The following MCTP1 variants were observed in gnomAD, a reference collection of about 807,000 sequenced individuals.
MCTP1 encodes multiple C2 and transmembrane domain containing 1, also known as multiple C2 and transmembrane domain-containing protein 1.
MCTP1 carries 69 observed loss-of-function variants against 120.6 expected under a neutral mutation model. That is an observed-to-expected ratio of 0.57 (90% CI 0.47 to 0.70). The LOEUF (loss-of-function observed/expected upper bound fraction) is 0.70. MCTP1 is among the 30% of genes least tolerant of loss of function. MCTP1 has a pLI of 0.00. For synonymous variants in MCTP1, 529 were observed against 493.1 expected, an observed-to-expected ratio of 1.07 and a Z score of -0.96; for missense variants, 1,203 against 1,248.8, an observed-to-expected ratio of 0.96 and a Z score of 0.55.
At chr5:95,260,632 C>G (rs1048731899) in intron 1 of MCTP1, among the ~76,000 whole-genome samples, 1 of 151,850 alleles carries the variant, frequency 6.6e-6, no homozygotes, top group African/African-American at 2.4e-5. Context: ...TATATCTTTT[C>G]CCTTCTCCCC....
At chr5:94,985,030 A>T (rs1047299974) in intron 2 of MCTP1, among the ~76,000 whole-genome samples, 2 of 152,222 alleles carry the variant, frequency 1.3e-5, no homozygotes, top group Non-Finnish European at 2.9e-5. Flanking sequence ...AATGTGTGAT[A>T]AAACTAATTA....
At chr5:94,741,658 T>C (rs1350026480) in intron 19 of MCTP1, among the ~76,000 whole-genome samples, 3 of 152,212 alleles carry the variant, frequency 2.0e-5, no homozygotes, top group African/African-American at 7.2e-5. Flanking sequence ...GATGCTTTAG[T>C]AATAATTAAA....
chr5:94,948,763 G>T (rs897538737), intron 3 of MCTP1, among the ~76,000 whole-genome samples: 1 of 152,026 alleles, frequency 6.6e-6, no homozygotes, highest in Non-Finnish European at 1.5e-5. Flanking sequence ...TCTGATTCAG[G>T]TCTGATTCAG....
At chr5:94,728,504 A>G (rs1359470406) in intron 19 of MCTP1, among the ~76,000 whole-genome samples, 1 of 152,168 alleles carries the variant, frequency 6.6e-6, no homozygotes. Flanking sequence ...GCCTGTCCTA[A>G]TCAAGCCGAG....
At chr5:94,820,258 AT>A (rs1470861857) in intron 17 of MCTP1, among the ~76,000 whole-genome samples, 1 of 152,232 alleles carries the variant, frequency 6.6e-6, no homozygotes, top group Non-Finnish European at 1.5e-5. Context: ...AACCCAAATG[AT>A]TATTTTTGGC....
intron 1 of MCTP1, among the ~76,000 whole-genome samples, chr5:95,141,503 C>T (rs1759927403): frequency 6.6e-6 from 1 of 152,174 alleles, no homozygotes; most frequent in South Asian, 2.1e-4. Flanking sequence ...ATGTGTGCAA[C>T]AACATGAGAG....
intron 18 of MCTP1, among the ~76,000 whole-genome samples, chr5:94,782,156 T>C (rs1776712436): frequency 6.6e-6 from 1 of 152,168 alleles, no homozygotes; most frequent in Non-Finnish European, 1.5e-5. Context: ...ATACAGTTCC[T>C]GTGTCAAAGG....
chr5:94,817,448 T>A (rs945755303), intron 17 of MCTP1, among the ~76,000 whole-genome samples: 2 of 144,242 alleles, frequency 1.4e-5, no homozygotes, highest in East Asian at 2.4e-4. Flanking sequence ...ACAAACAAAC[T>A]GGTTTACTAT....
chr5:95,216,897 G>T (rs936601635), intron 1 of MCTP1, among the ~76,000 whole-genome samples: 2 of 152,126 alleles, frequency 1.3e-5, no homozygotes, highest in African/African-American at 4.8e-5. Flanking sequence ...AGAGCAGCCA[G>T]TATCATTTCT....
intron 17 of MCTP1, among the ~76,000 whole-genome samples, chr5:94,856,673 C>T (rs1335092387): frequency 6.6e-6 from 1 of 151,578 alleles, no homozygotes; most frequent in Non-Finnish European, 1.5e-5. Flanking sequence ...GTACTTTATA[C>T]AGGAAAGATG....
At chr5:94,799,599 G>A (rs1411367046) in intron 17 of MCTP1, among the ~76,000 whole-genome samples, 1 of 151,898 alleles carries the variant, frequency 6.6e-6, no homozygotes, top group East Asian at 1.9e-4. Flanking sequence ...AAAATACCAG[G>A]TCTACACAAG....
chr5:95,254,738 AG>A (rs1757708826), intron 1 of MCTP1, among the ~76,000 whole-genome samples: 1 of 152,192 alleles, frequency 6.6e-6, no homozygotes, highest in African/African-American at 2.4e-5. Flanking sequence ...TGTACTATAT[AG>A]ATATACTAGA....
At chr5:94,868,505 A>T in intron 16 of MCTP1, 53 bp from the exon 17 acceptor site, 1 of 1,377,780 alleles carries the variant, frequency 7.3e-7, no homozygotes. Flanking sequence ...AAACCATCAG[A>T]TATACTGCAA....
chr5:95,047,137 G>A lies in MCTP1; in HGVS notation c.721-29653C>T, dbSNP rs73775420. On this transcript the variant is annotated intron_variant, in intron 1 of 22. Coordinates refer to ENST00000515393, the MANE Select transcript of MCTP1 (RefSeq NM_024717.7). Reference sequence around the variant, plus strand: ...CTTGTATCATAACAGGCCTGAGGATGAATCAGAGGTTGCAACAAGCACATG... The same window carrying A: ...CTTGTATCATAACAGGCCTGAGGATAAATCAGAGGTTGCAACAAGCACATG... Among the ~76,000 whole-genome samples, 526 of 152,268 alleles carry A rather than the reference G, an allele frequency of 3.5e-3. 1 individual carries two copies. Among genetic ancestry groups the A allele is most frequent in the African/African-American group, 0.012 (486 of 41,554 alleles).
chr5:95,246,875 G>T (rs1434379392), intron 1 of MCTP1, among the ~76,000 whole-genome samples: 1 of 152,116 alleles, frequency 6.6e-6, no homozygotes, highest in Non-Finnish European at 1.5e-5. Context: ...GTCTCTACCA[G>T]GCTTTGGTAT....
intron 1 of MCTP1, among the ~76,000 whole-genome samples, chr5:95,180,591 T>C (rs542906388): frequency 6.6e-6 from 1 of 152,252 alleles, no homozygotes; most frequent in Non-Finnish European, 1.5e-5. Flanking sequence ...ACGTCTACAG[T>C]TCGGGGCACT....
intron 9 of MCTP1, among the ~76,000 whole-genome samples, chr5:94,911,481 C>A (rs901594868): frequency 2.0e-5 from 3 of 152,136 alleles, no homozygotes; most frequent in African/African-American, 7.2e-5. Context: ...ATTCTCACAA[C>A]ATCTGGTTGT....
chr5:94,710,221 A>G (rs546507663), intron 21 of MCTP1: 1 of 152,274 alleles, frequency 6.6e-6, no homozygotes, highest in East Asian at 1.9e-4. Flanking sequence ...GCCCAGGTGC[A>G]TAAGAATCGT....
chr5:95,268,129 G>C (rs536579912), intron 1 of MCTP1, among the ~76,000 whole-genome samples: 2 of 152,290 alleles, frequency 1.3e-5, no homozygotes, highest in South Asian at 4.1e-4. Context: ...TATCACAATT[G>C]TAATTGGTAA....
Sources: gnomAD v4.1 joint callset for allele counts (sites outside exome capture counted in the v4.1 genomes callset) on GRCh38, gnomAD v4.1.1 for gene constraint, MANE v1.5 for transcripts, NCBI Gene and HGNC (gene_info 2026-07-23, HGNC 2026-07-21) for gene names.